The following GPM6A variants were observed in gnomAD, a reference collection of about 807,000 sequenced individuals.
GPM6A encodes the protein glycoprotein M6A, also known as neuronal membrane glycoprotein M6-a.
A neutral mutation model predicts 32.1 loss-of-function variants in GPM6A; 7 were observed. The observed-to-expected ratio is 0.22, with a 90% confidence interval of 0.12 to 0.41. The LOEUF is 0.41. Ranked by LOEUF, GPM6A falls within the 10% of genes least tolerant of loss-of-function variation. The pLI, the probability that GPM6A is intolerant of heterozygous loss-of-function variation, is 1.00. For synonymous variants in GPM6A, 130 were observed against 123.4 expected (o/e 1.05, Z -0.35); for missense variants, 235 against 347.2 (o/e 0.68, Z 2.57).
intron 1 of GPM6A, among the ~76,000 whole-genome samples, chr4:175,709,085 T>G (rs1457442583): frequency 6.6e-6 from 1 of 152,224 alleles, no homozygotes; most frequent in Non-Finnish European, 1.5e-5. Context: ...ATACGTAAAC[T>G]TAATAAAATA....
chr4:175,962,262 T>G (rs1740191485), intron 1 of GPM6A: 9 of 1,347,090 alleles, frequency 6.7e-6, no homozygotes, highest in Middle Eastern at 2.2e-4. Flanking sequence ...CATTGAAAAC[T>G]CAAATGCCTT....
At chr4:175,637,741 TA>T (rs1351405532) in intron 6 of GPM6A, among the ~76,000 whole-genome samples, 10 of 86,574 alleles carry the variant, frequency 1.2e-4, no homozygotes, top group South Asian at 2.7e-4. Flanking sequence ...ATATATTATA[TA>T]AAAATATAAT....
intron 1 of GPM6A, among the ~76,000 whole-genome samples, chr4:175,742,980 G>T (rs982444360): frequency 2.6e-5 from 4 of 151,694 alleles, no homozygotes; most frequent in African/African-American, 4.8e-5. Flanking sequence ...GACCCCATTC[G>T]CCACAAAAAG....
chr4:175,924,665 C>T (rs1347513594), intron 1 of GPM6A, among the ~76,000 whole-genome samples: 1 of 151,978 alleles, frequency 6.6e-6, no homozygotes, highest in African/African-American at 2.4e-5. Flanking sequence ...AATGGCAAAA[C>T]CCCGTCTCTA....
chr4:175,941,842 C>A (rs1048151449), intron 1 of GPM6A, among the ~76,000 whole-genome samples: 1 of 152,148 alleles, frequency 6.6e-6, no homozygotes, highest in African/African-American at 2.4e-5. Flanking sequence ...CGGCAATAAA[C>A]ATACGTGTGC....
chr4:175,683,835 CTT>C (rs748908929), intron 2 of GPM6A, among the ~76,000 whole-genome samples: 20 of 145,312 alleles, frequency 1.4e-4, no homozygotes, highest in Admixed American at 3.4e-4. Context: ...TATACATATA[CTT>C]TTTTTTTTTT....
intron 1 of GPM6A, among the ~76,000 whole-genome samples, chr4:175,851,369 C>A (rs771014805): frequency 2.9e-4 from 44 of 151,888 alleles, no homozygotes; most frequent in Non-Finnish European, 5.0e-4. Context: ...CCAGTAATCC[C>A]AGCTACTCTG....
At chr4:175,879,750 T>A (rs77206020) in intron 1 of GPM6A, among the ~76,000 whole-genome samples, 6,933 of 152,256 alleles carry the variant, frequency 0.046, 213 homozygotes, top group Non-Finnish European at 0.07. Context: ...CCACTAATTA[T>A]TATGTAGTAG....
At chr4:175,946,493 T>C (rs571242512) in intron 1 of GPM6A, among the ~76,000 whole-genome samples, 2 of 152,230 alleles carry the variant, frequency 1.3e-5, no homozygotes, top group South Asian at 4.2e-4. Flanking sequence ...ATTTAGATGA[T>C]GGTAAGAGTT....
intron 1 of GPM6A, among the ~76,000 whole-genome samples, chr4:175,982,010 CTAA>C (rs1388149210): frequency 1.3e-5 from 2 of 152,042 alleles, no homozygotes; most frequent in Admixed American, 6.5e-5. Context: ...TCTCTACTGA[CTAA>C]TAATATTTTA....
At chr4:175,885,154 T>C (rs1022620179) in intron 1 of GPM6A, among the ~76,000 whole-genome samples, 3 of 152,092 alleles carry the variant, frequency 2.0e-5, no homozygotes, top group African/African-American at 7.2e-5. Flanking sequence ...GAATGAAAAA[T>C]AAATTGTGGT....
At chr4:175,908,524 A>G (rs1407244262) in intron 1 of GPM6A, among the ~76,000 whole-genome samples, 1 of 152,150 alleles carries the variant, frequency 6.6e-6, no homozygotes, top group Non-Finnish European at 1.5e-5. Flanking sequence ...CAAGTTTTCC[A>G]AAGTTAAAAA....
At chr4:175,973,178 T>C (rs759756720) in intron 1 of GPM6A, among the ~76,000 whole-genome samples, 9 of 152,208 alleles carry the variant, frequency 5.9e-5, no homozygotes, top group Non-Finnish European at 1.3e-4. Context: ...TTAGATAATA[T>C]CGTGAATATT....
intron 1 of GPM6A, among the ~76,000 whole-genome samples, chr4:175,922,493 T>G (rs1249493674): frequency 6.6e-6 from 1 of 152,166 alleles, no homozygotes; most frequent in African/African-American, 2.4e-5. Context: ...TGTATGTAGA[T>G]AGAAGCCAAA....
chr4:175,643,698 T>C (rs1381928327), intron 4 of GPM6A, among the ~76,000 whole-genome samples: 1 of 152,108 alleles, frequency 6.6e-6, no homozygotes, highest in Non-Finnish European at 1.5e-5. Flanking sequence ...TAACTGTCTT[T>C]CTAAAATAAT....
At chr4:175,749,382 G>A (rs1417201401) in intron 1 of GPM6A, among the ~76,000 whole-genome samples, 1 of 152,042 alleles carries the variant, frequency 6.6e-6, no homozygotes, top group Non-Finnish European at 1.5e-5. Flanking sequence ...GTGAGCTGTT[G>A]GAAAAATGGT....
At chr4:175,831,067 T>C (rs1265796213) in intron 1 of GPM6A, among the ~76,000 whole-genome samples, 1 of 152,208 alleles carries the variant, frequency 6.6e-6, no homozygotes, top group African/African-American at 2.4e-5. Flanking sequence ...ATGTCTATTA[T>C]TAGCATCTAT....
intron 1 of GPM6A, among the ~76,000 whole-genome samples, chr4:175,731,132 A>G (rs958515441): frequency 6.6e-5 from 10 of 152,202 alleles, no homozygotes; most frequent in Non-Finnish European, 1.5e-4. Flanking sequence ...AATTATAAAA[A>G]GATACCACGG....
intron 1 of GPM6A, among the ~76,000 whole-genome samples, chr4:175,750,026 T>TA (rs1732260676): frequency 6.6e-6 from 1 of 152,132 alleles, no homozygotes; most frequent in African/African-American, 2.4e-5. Flanking sequence ...TGCATTCTGT[T>TA]AAAAATGTCC....
Sources: gnomAD v4.1 joint callset for allele counts (sites outside exome capture counted in the v4.1 genomes callset) on GRCh38, gnomAD v4.1.1 for gene constraint, MANE v1.5 for transcripts, NCBI Gene and HGNC (gene_info 2026-07-23, HGNC 2026-07-21) for gene names.